USP34: variants seen among roughly 807,000 people sequenced by gnomAD.
The protein encoded by USP34 is ubiquitin carboxyl-terminal hydrolase 34.
Under a neutral mutation model 460.3 loss-of-function variants are expected in USP34, and 70 were observed. That is an observed-to-expected ratio of 0.15 (90% CI 0.13 to 0.19). The LOEUF is 0.19. USP34 is among the 10% of genes least tolerant of loss of function. The probability of loss-of-function intolerance (pLI) is 1.00; values close to 1 mark genes in which losing one functional copy is unlikely to be tolerated. For synonymous variants in USP34, 1,647 were observed against 1,405.3 expected, an observed-to-expected ratio of 1.17 and a Z score of -3.85; for missense variants, 3,985 against 4,236.2, an observed-to-expected ratio of 0.94 and a Z score of 1.65.
At chr2:61,343,004 A>T (rs1415544011) in intron 16 of USP34, among the ~76,000 whole-genome samples, 3 of 152,212 alleles carry the variant, frequency 2.0e-5, no homozygotes, top group Non-Finnish European at 2.9e-5. Context: ...TAGACAGATC[A>T]TGTACAAAAA....
chr2:61,226,547 G>A (rs1687736852), intron 62 of USP34, among the ~76,000 whole-genome samples: 1 of 151,988 alleles, frequency 6.6e-6, no homozygotes, highest in Non-Finnish European at 1.5e-5. Context: ...CTTAGTAATA[G>A]ATCCTAAAGA....
intron 42 of USP34, 61 bp from the exon 43 acceptor site, chr2:61,265,618 T>G (rs761178552): frequency 8.6e-6 from 13 of 1,517,564 alleles, no homozygotes; most frequent in Non-Finnish European, 1.2e-5. Context: ...ACAATGTATT[T>G]TGCTTACATT....
intron 74 of USP34, 124 bp downstream of exon 74, chr2:61,204,132 A>G: frequency 7.7e-7 from 1 of 1,301,402 alleles, no homozygotes; most frequent in Non-Finnish European, 1.1e-6. Context: ...GTCCAAATGA[A>G]TCTAATCTTC....
chr2:61,243,145 G>A (rs1236478623), intron 51 of USP34, among the ~76,000 whole-genome samples: 4 of 143,148 alleles, frequency 2.8e-5, no homozygotes, highest in Admixed American at 7.0e-5. Context: ...CATGCCCAGC[G>A]TACATTTTAT....
intron 10 of USP34, among the ~76,000 whole-genome samples, chr2:61,365,385 C>G (rs1030233368): frequency 6.6e-6 from 1 of 151,524 alleles, no homozygotes; most frequent in Admixed American, 6.6e-5. Context: ...AAACAGAACA[C>G]AAAAACCCTC....
At chr2:61,437,353 C>T (rs1409898776) in intron 1 of USP34, among the ~76,000 whole-genome samples, 2 of 152,082 alleles carry the variant, frequency 1.3e-5, no homozygotes, top group South Asian at 2.1e-4. Flanking sequence ...GACATCATAA[C>T]GGATACCACA....
intron 1 of USP34, among the ~76,000 whole-genome samples, chr2:61,440,749 C>G (rs1694940755): frequency 1.3e-5 from 2 of 151,730 alleles, no homozygotes; most frequent in African/African-American, 4.8e-5. Context: ...AACTCCTGAC[C>G]TCAGGCAATC....
chr2:61,224,147 T>G (rs1687666480), intron 62 of USP34, among the ~76,000 whole-genome samples: 1 of 152,240 alleles, frequency 6.6e-6, no homozygotes, highest in Admixed American at 6.5e-5. Context: ...TAAAATTAAC[T>G]TGTTTGAATC....
intron 48 of USP34, chr2:61,250,602 T>G (rs1447925529): frequency 1.3e-5 from 2 of 156,982 alleles, no homozygotes; most frequent in African/African-American, 4.8e-5. Context: ...AAAAGGTGGC[T>G]GACAACCTCC....
chr2:61,348,072 A>G lies in USP34; in HGVS notation c.2083T>C (p.Cys695Arg), dbSNP rs1691827330. Residue 695 changes from cysteine to arginine, a missense_variant, in exon 15 of 80, where the codon TGT (cysteine) becomes CGT (arginine). Cys to Arg is a radical substitution (Grantham distance 180, BLOSUM62 -3). This residue lies in a region of USP34 where 716 missense variants were observed against 626.2 expected (regional missense o/e 1.14). Transcript: ENST00000398571. ...VDNRMRMLDA[C>R]SHSEDPEHDI... ...TGTTCTGGGTCTTCAGAGTGTGAACAAGCATCCAGCATTCGCATTCGATTA... is the reference window on the plus strand; with the variant it reads ...TGTTCTGGGTCTTCAGAGTGTGAACGAGCATCCAGCATTCGCATTCGATTA... 5.0e-6 allele frequency: 8 copies of G among 1,614,092 alleles called. No individual in the cohort carries two copies. The highest frequency in any genetic ancestry group is 6.8e-6 in the Non-Finnish European group (8 of 1,180,038).
At chr2:61,413,955 T>C (rs1353092077) in intron 2 of USP34, among the ~76,000 whole-genome samples, 1 of 144,372 alleles carries the variant, frequency 6.9e-6, no homozygotes, top group Non-Finnish European at 1.5e-5. Context: ...ATTAAAAAAA[T>C]TAAAAATAAA....
intron 5 of USP34, among the ~76,000 whole-genome samples, chr2:61,391,747 C>T (rs1196693544): frequency 6.6e-6 from 1 of 152,176 alleles, no homozygotes; most frequent in Non-Finnish European, 1.5e-5. Flanking sequence ...AAATAAAGCA[C>T]AGCTTCTGTA....
At chr2:61,326,776 CA>C (rs1691103386) in intron 20 of USP34, among the ~76,000 whole-genome samples, 1 of 120,604 alleles carries the variant, frequency 8.3e-6, no homozygotes, top group Non-Finnish European at 1.7e-5. Context: ...GGTCAATGGG[CA>C]TTTTTTTTTT....
chr2:61,401,400 G>A (rs1693714371), intron 3 of USP34, among the ~76,000 whole-genome samples: 1 of 151,626 alleles, frequency 6.6e-6, no homozygotes, highest in Admixed American at 6.6e-5. Context: ...ACTACGCCCA[G>A]TTAATTTTTT....
At chr2:61,296,184 C>T (rs1046898080) in intron 30 of USP34, among the ~76,000 whole-genome samples, 3 of 152,074 alleles carry the variant, frequency 2.0e-5, no homozygotes, top group Non-Finnish European at 4.4e-5. Context: ...CACTTGAGCC[C>T]TCGTGGTTGT....
At chr2:61,191,204 C>T (rs923416321) in intron 76 of USP34, 6 of 152,444 alleles carry the variant, frequency 3.9e-5, no homozygotes, top group Non-Finnish European at 8.8e-5. Context: ...AATTATCTCA[C>T]ACAGAATCAG....
chr2:61,247,624 GC>G (rs1037849766), intron 49 of USP34, among the ~76,000 whole-genome samples: 2 of 152,074 alleles, frequency 1.3e-5, no homozygotes, highest in African/African-American at 4.8e-5. Flanking sequence ...GGACTCCTGG[GC>G]TCAAGTGATC....
chr2:61,413,985 G>T (rs1313586586), intron 2 of USP34, among the ~76,000 whole-genome samples: 1 of 150,992 alleles, frequency 6.6e-6, no homozygotes, highest in Non-Finnish European at 1.5e-5. Flanking sequence ...GAGGCCGAGT[G>T]AGTGGCTCAC....
intron 8 of USP34, among the ~76,000 whole-genome samples, chr2:61,373,973 G>A (rs1325786711): frequency 3.3e-5 from 5 of 152,060 alleles, no homozygotes; most frequent in Admixed American, 6.6e-5. Flanking sequence ...CGACCAACAT[G>A]GTGAAACCCT....
Sources: gnomAD v4.1 joint callset for allele counts (sites outside exome capture counted in the v4.1 genomes callset) on GRCh38, gnomAD v4.1.1 for gene constraint, gnomAD v4.1.1 regional missense constraint, MANE v1.5 for transcripts, NCBI Gene and HGNC (gene_info 2026-07-23, HGNC 2026-07-21) for gene names.